The following HARS2 variants were observed in gnomAD, a reference collection of about 807,000 sequenced individuals.
HARS2 encodes histidyl-tRNA synthetase 2, mitochondrial, also known as histidine--tRNA ligase, mitochondrial.
HARS2 carries 40 observed loss-of-function variants against 62.4 expected under a neutral mutation model. The ratio of observed to expected loss-of-function variants is 0.64; its 90% confidence interval spans 0.50 to 0.83. HARS2 has a LOEUF of 0.83. Among genes scored for constraint, HARS2 ranks in the 40% least tolerant of loss-of-function variants. The pLI is 0.00. For synonymous variants in HARS2, 228 were observed against 227.0 expected, an observed-to-expected ratio of 1.00 and a Z score of -0.04; for missense variants, 569 against 626.4, an observed-to-expected ratio of 0.91 and a Z score of 0.98.
chr5:140,692,496 T>C (rs1001045341), intron 1 of HARS2, among the ~76,000 whole-genome samples: 1 of 152,268 alleles, frequency 6.6e-6, no homozygotes, highest in Non-Finnish European at 1.5e-5. Context: ...CCATATCTTA[T>C]CATTCCACAG....
rs552664854 is a variant in HARS2 at position 140,698,021 on chromosome 5, T to C, written c.1404T>C (p.Gly468=). 6.2e-7 allele frequency: 1 copy of C among 1,614,120 alleles called. No individual in the cohort carries two copies. Among genetic ancestry groups the C allele is most frequent in the Admixed American group, 1.7e-5 (1 of 60,018 alleles). Residue 468 remains glycine, a synonymous_variant, in exon 12 of 13, where the codon GGT becomes GGC. Transcript: ENST00000230771. ...STGIPLVVII[G]EQELKEGVIK... ...GCATTCCACTGGTGGTCATTATTGG[T>C]GAGCAAGAACTGAAAGAAGGGGTCA...
chr5:140,696,362 C>A, intron 7 of HARS2, 159 bp from the exon 8 acceptor site: 2 of 797,918 alleles, frequency 2.5e-6, no homozygotes, highest in Non-Finnish European at 4.4e-6. Flanking sequence ...TCATGCTATA[C>A]AGTGGGGATT....
rs1471670698 is a variant in HARS2 at position 140,697,343 on chromosome 5, G to A, written c.1134G>A (p.Val378=). 6.2e-7 allele frequency: 1 copy of A among 1,614,016 alleles called. No individual in the cohort carries two copies. Among genetic ancestry groups the A allele is most frequent in the Non-Finnish European group, 8.5e-7 (1 of 1,180,022 alleles). ...TGTTTGACCCCAAGGGCCACAAGGT[G>A]CCATGTGTGGGACTCAGCATTGGGG... is the stretch of plus-strand genomic sequence containing the variant. The part of the protein sequence containing the change: ...VGMFDPKGHK[V]PCVGLSIGVE... The change falls in exon 10 of 13, where the codon GTG becomes GTA. Residue 378 remains valine (V), a synonymous_variant. Transcript: ENST00000230771.
At chr5:140,691,883 C>G in intron 1 of HARS2, 127 bp downstream of exon 1, 1 of 692,540 alleles carries the variant, frequency 1.4e-6, no homozygotes, top group South Asian at 1.5e-5. Flanking sequence ...TGTACTGACA[C>G]TGAACTAAGC....
intron 1 of HARS2, 50 bp downstream of exon 1, chr5:140,691,806 C>A: frequency 7.9e-7 from 1 of 1,262,914 alleles, no homozygotes; most frequent in Non-Finnish European, 1.1e-6. Context: ...GTCTCCAGAT[C>A]TGAACGCATA....
rs1033239171 is a variant in HARS2 at position 140,696,587 on chromosome 5, C to T, written c.799C>T (p.Arg267Ter). ...KKGLAPEVAD[R>*]IGDYVQCHGG... Reference sequence around the variant, plus strand: ...AGGCCTGGCTCCTGAGGTGGCTGATCGAATTGGGGACTATGTCCAGTGTCA... The same window carrying T: ...AGGCCTGGCTCCTGAGGTGGCTGATTGAATTGGGGACTATGTCCAGTGTCA... The change falls in exon 8 of 13, where the codon CGA becomes TGA. Residue 267 changes from arginine (R) to a stop codon, truncating the protein, a stop_gained. Coordinates refer to ENST00000230771, the MANE Select transcript of HARS2 (RefSeq NM_012208.4). LOFTEE classifies it high-confidence loss of function. 5 of 1,612,168 alleles carry T rather than the reference C, an allele frequency of 3.1e-6. No homozygotes were observed. Among genetic ancestry groups the T allele is most frequent in the Non-Finnish European group, 3.4e-6 (4 of 1,178,246 alleles).
Position 140,696,141 on chromosome 5 carries a change from C to T in HARS2, c.672C>T (p.Val224=), listed in dbSNP as rs781342919. The T allele has an allele frequency of 1.2e-6, 2 of 1,613,974 alleles. No individual in the cohort carries two copies. The highest frequency in any genetic ancestry group is 2.2e-5 in the East Asian group (1 of 44,890). The change falls in exon 7 of 13, where the codon GTC becomes GTT. Residue 224 remains valine, a synonymous_variant. Transcript: ENST00000230771. ...GGATTGTGGATGGGATGTTTGCTGT[C>T]TGTGGTGTTCCTGAAAGCAAGTTCC... ...DRRIVDGMFA[V]CGVPESKFRA...
chr5:140,697,290 G>C lies in HARS2; in HGVS notation c.1081G>C (p.Gly361Arg). 6.2e-7 allele frequency: 1 copy of C among 1,614,200 alleles called. No individual in the cohort carries two copies. The highest frequency in any genetic ancestry group is 8.5e-7 in the Non-Finnish European group (1 of 1,180,034). Residue 361 changes from glycine to arginine, a missense_variant, in exon 10 of 13, where the codon GGT becomes CGT. Coordinates refer to ENST00000230771, the MANE Select transcript of HARS2 (RefSeq NM_012208.4). ...CCTGAATGTGGGCAGTGTGGCTGCTGGTGGGCGCTATGATGGGCTGGTGGG... is the reference window on the plus strand; with the variant it reads ...CCTGAATGTGGGCAGTGTGGCTGCTCGTGGGCGCTATGATGGGCTGGTGGG... The part of the protein sequence containing the change: ...EPLNVGSVAA[G>R]GRYDGLVGMF...
Position 140,691,619 on chromosome 5 carries a change from T to C in HARS2, c.-30T>C. 1 of 1,429,984 alleles carries C rather than the reference T, an allele frequency of 7.0e-7. No individual in the cohort carries two copies. Among genetic ancestry groups the C allele is most frequent in the Non-Finnish European group, 9.6e-7 (1 of 1,037,350 alleles). 88.6% of individuals were successfully genotyped at this position (1,429,984 alleles called of 1,614,324 possible). On this transcript the variant is annotated 5_prime_UTR_variant, in exon 1 of 13. Coordinates refer to ENST00000230771, the MANE Select transcript of HARS2 (RefSeq NM_012208.4). The stretch of plus-strand genomic sequence containing the variant: ...GCCTCCTTCCCAGGCCTTTTGTTCC[T>C]GTCCCGGAAAGCCGGCGTCCTGCCG...
Position 140,693,975 on chromosome 5 carries a change from A to G in HARS2, c.224A>G (p.Glu75Gly), listed in dbSNP as rs752656214. 2 of 1,613,998 alleles carry G rather than the reference A, an allele frequency of 1.2e-6. No homozygotes were observed. Among genetic ancestry groups the G allele is most frequent in the Admixed American group, 3.3e-5 (2 of 60,022 alleles). Reference protein sequence around the residue: ...DLSPQHMVVREKILDLVISCF... With the variant: ...DLSPQHMVVRGKILDLVISCF... ...AGTCCTCAGCATATGGTTGTGAGGGAGAAAATTCTTGATTTGGTTATCAGC... is the reference window on the plus strand; with the variant it reads ...AGTCCTCAGCATATGGTTGTGAGGGGGAAAATTCTTGATTTGGTTATCAGC... Residue 75 changes from glutamate to glycine, a missense_variant, in exon 3 of 13, where the codon GAG becomes GGG. Transcript: ENST00000230771.
intron 1 of HARS2, chr5:140,692,042 CCA>C: frequency 2.2e-6 from 1 of 451,226 alleles, no homozygotes; most frequent in East Asian, 3.9e-5. Context: ...TAATTCATAT[CCA>C]CACTTTTTCC....
intron 11 of HARS2, 49 bp from the exon 12 acceptor site, chr5:140,697,883 G>T: frequency 6.3e-7 from 1 of 1,592,116 alleles, no homozygotes; most frequent in Non-Finnish European, 8.6e-7. Flanking sequence ...CCTGAGGTTT[G>T]TTGCTGTGTT....
At chr5:140,693,563 C>G in intron 1 of HARS2, 28 bp from the exon 2 acceptor site, 1 of 1,613,868 alleles carries the variant, frequency 6.2e-7, no homozygotes, top group East Asian at 2.2e-5. Flanking sequence ...TCCAGAGAAG[C>G]CACATCTCAC....
chr5:140,697,685 G>A lies in HARS2; in HGVS notation c.1314G>A (p.Lys438=), dbSNP rs1204787833. The change falls in exon 11 of 13, where the codon AAG becomes AAA. Residue 438 remains lysine, a splice_region_variant and synonymous_variant. Transcript: ENST00000230771. ...CAGAGCTTTGGGATTCTGGAATCAA[G>A]GTATGGTGGAGCTGATATCTGAGCC... is the stretch of plus-strand genomic sequence containing the variant. ...LIAELWDSGI[K]AEMLYKNNPK... 1 of 1,595,472 alleles carries A rather than the reference G, an allele frequency of 6.3e-7. No individual in the cohort carries two copies. The highest frequency in any genetic ancestry group is 1.1e-5 in the South Asian group (1 of 90,728).
chr5:140,698,966 CA>C lies in HARS2; in HGVS notation c.*416del, dbSNP rs1759875505. 3.4e-6 allele frequency: 1 copy of C among 293,928 alleles called. No homozygotes were observed. Among genetic ancestry groups the C allele is most frequent in the African/African-American group, 2.2e-5 (1 of 46,026 alleles). The allele number at this position is 293,928 out of a possible 1,614,324, so 18.2% of individuals were successfully genotyped here. A position where few individuals can be genotyped will look rare whatever the true frequency, so the allele number is the denominator to read the frequency against. The stretch of plus-strand genomic sequence containing the variant: ...AACCAGATTCTGGTGAATTTGTCCA[CA>C]ATCAGCCATTGGCCTGTCTGGGGAG... On this transcript the variant is annotated 3_prime_UTR_variant, in exon 13 of 13. Coordinates refer to ENST00000230771, the MANE Select transcript of HARS2 (RefSeq NM_012208.4).
At position 140,691,594 on chromosome 5, in the gene HARS2, G is replaced by T; in HGVS notation, c.-55G>T. The T allele has an allele frequency of 8.4e-7, 1 of 1,195,416 alleles. No individual in the cohort carries two copies. Among genetic ancestry groups the T allele is most frequent in the Non-Finnish European group, 1.2e-6 (1 of 825,076 alleles). 74.1% of individuals were successfully genotyped at this position (1,195,416 alleles called of 1,614,324 possible). A position where few individuals can be genotyped will look rare whatever the true frequency, so the allele number is the denominator to read the frequency against. On this transcript the variant is annotated 5_prime_UTR_variant, in exon 1 of 13. Coordinates refer to ENST00000230771, the MANE Select transcript of HARS2 (RefSeq NM_012208.4). ...CTCCACCCTTCCTGGTGTCTGACCCGCCTCCTTCCCAGGCCTTTTGTTCCT... is the reference window on the plus strand; with the variant it reads ...CTCCACCCTTCCTGGTGTCTGACCCTCCTCCTTCCCAGGCCTTTTGTTCCT...
At position 140,698,114 on chromosome 5, in the gene HARS2, A is replaced by G. The variant is rs2530234; in HGVS notation, c.1461+36A>G. On this transcript the variant is annotated intron_variant, in intron 12 of 12. Transcript: ENST00000230771. ...GCAGCAGAAATAGAAGGGACGAAGT[A>G]TTTCTGCCTTTCCCAGATTCTGTAA... 1,590,293 of 1,603,342 alleles carry G rather than the reference A, an allele frequency of 0.99. 789,481 individuals carry two copies. The highest frequency in any genetic ancestry group is 1 in the East Asian group (44,824 of 44,824).
chr5:140,697,462 T>A, intron 10 of HARS2, 56 bp downstream of exon 10: 1 of 1,611,114 alleles, frequency 6.2e-7, no homozygotes, highest in Non-Finnish European at 8.5e-7. Flanking sequence ...CTCCTGTTTC[T>A]GGAGGTGTAG....
In HARS2 at chr5:140,693,585, T is replaced by C. The variant is rs1369568275; in HGVS notation, c.109-6T>C. 1 of 1,613,996 alleles carries C rather than the reference T, an allele frequency of 6.2e-7. No individual in the cohort carries two copies. On this transcript the variant is annotated splice_region_variant and splice_polypyrimidine_tract_variant and intron_variant, in intron 1 of 12. Transcript: ENST00000230771. The stretch of plus-strand genomic sequence containing the variant: ...AAGCCACATCTCACATTCATTCTTC[T>C]GCCAGGTTGCAGAGGCAGTGTTAAC...
Sources: allele counts gnomAD v4.1 joint callset (sites outside exome capture counted in the v4.1 genomes callset), GRCh38; gene constraint gnomAD v4.1.1; transcripts MANE v1.5; gene names NCBI Gene and HGNC (gene_info 2026-07-23, HGNC 2026-07-21).